DPY19L3: variants seen among roughly 807,000 people sequenced by gnomAD.
The protein encoded by DPY19L3 is dpy-19 like C-mannosyltransferase 3, also known as protein C-mannosyl-transferase DPY19L3.
In DPY19L3, 51 loss-of-function variants were observed where a neutral mutation model predicts 92.3. The ratio of observed to expected loss-of-function variants is 0.55; its 90% CI spans 0.44 to 0.70. The LOEUF (loss-of-function observed/expected upper bound fraction) is 0.70, where lower values mean the gene tolerates loss of function less well. DPY19L3 is among the 30% of genes least tolerant of loss of function. The pLI is 0.00. For synonymous variants in DPY19L3, 309 were observed against 315.2 expected, an observed-to-expected ratio of 0.98 and a Z score of 0.21; for missense variants, 706 against 855.9, an observed-to-expected ratio of 0.82 and a Z score of 2.18.
chr19:32,471,788 A>T (rs1467922475), intron 16 of DPY19L3, among the ~76,000 whole-genome samples: 2 of 152,116 alleles, frequency 1.3e-5, no homozygotes, highest in African/African-American at 4.8e-5. Context: ...GGCTGAAGAG[A>T]TATCCTCAAG....
rs1050251057 is a variant in DPY19L3, at chr19:32,484,615, C to T, written c.*2375C>T. Reference sequence around the variant, plus strand: ...CTCTGCCTGTGTGACTCCCAGGCCCCGGAGTCTCCATCTCTCTCGTAAGCC... The same window carrying T: ...CTCTGCCTGTGTGACTCCCAGGCCCTGGAGTCTCCATCTCTCTCGTAAGCC... On this transcript the variant is annotated 3_prime_UTR_variant, in exon 19 of 19. Transcript: ENST00000392250. The T allele has an allele frequency of 4.6e-5, 7 of 152,190 alleles. No individual in the cohort carries two copies. Among genetic ancestry groups the T allele is most frequent in the Non-Finnish European group, 7.3e-5 (5 of 68,052 alleles). 9.4% of individuals were successfully genotyped at this position (152,190 alleles called of 1,614,324 possible). A position where few individuals can be genotyped will look rare whatever the true frequency, so the allele number is the denominator to read the frequency against.
Position 32,439,253 on chromosome 19 carries a change from T to G in DPY19L3, c.720+18T>G, listed in dbSNP as rs748389260. On this transcript the variant is annotated intron_variant, in intron 7 of 18. Transcript: ENST00000392250. Reference sequence around the variant, plus strand: ...TTTCTGAAGTAAGTGTTTATAAAATTTCATATATTTTAATCCCCCAATTTT... The same window carrying G: ...TTTCTGAAGTAAGTGTTTATAAAATGTCATATATTTTAATCCCCCAATTTT... 3 of 1,603,732 alleles carry G rather than the reference T, an allele frequency of 1.9e-6. No individual in the cohort carries two copies. The Admixed American group carries it at 5.2e-5, about 28-fold the overall frequency.
At chr19:32,480,041 C>G (rs1014639832) in intron 17 of DPY19L3, among the ~76,000 whole-genome samples, 3 of 152,194 alleles carry the variant, frequency 2.0e-5, no homozygotes, top group African/African-American at 4.8e-5. Flanking sequence ...CTGGGGGTCC[C>G]CTTTTTAAAG....
In DPY19L3 at chr19:32,407,264, TC is replaced by T. The variant is rs148363125; in HGVS notation, c.-37-946del. On this transcript the variant is annotated intron_variant, in intron 1 of 18. Transcript: ENST00000392250. ...TGCTGCTGCCAAACCAGGCTCCTGC[TC>T]CCCCCCACCCATTACTCCCACCGAC... Among the ~76,000 whole-genome samples, 531 of 81,314 alleles carry T rather than the reference TC, an allele frequency of 6.5e-3. 30 individuals are homozygous for T. The highest frequency in any genetic ancestry group is 0.026 in the African/African-American group (505 of 19,152). 53.3% of individuals were successfully genotyped at this position (81,314 alleles called of 152,430 possible).
At position 32,482,309 on chromosome 19, in the gene DPY19L3, C is replaced by G. The variant is rs774115184; in HGVS notation, c.*69C>G. The G allele has an allele frequency of 6.5e-7, 1 of 1,544,496 alleles. No individual in the cohort carries two copies. Among genetic ancestry groups the G allele is most frequent in the Non-Finnish European group, 8.8e-7 (1 of 1,141,580 alleles). On this transcript the variant is annotated 3_prime_UTR_variant, in exon 19 of 19. Coordinates refer to ENST00000392250, the MANE Select transcript of DPY19L3 (RefSeq NM_001172774.2). ...CATCATGATGAAACTCAATAGATGA[C>G]GTTTCCTATGTAAGTAGGTAGCCCA...
intron 9 of DPY19L3, among the ~76,000 whole-genome samples, chr19:32,453,612 G>A (rs1018158170): frequency 1.3e-5 from 2 of 152,110 alleles, no homozygotes; most frequent in Non-Finnish European, 2.9e-5. Flanking sequence ...TCAGGAGCGA[G>A]AAGAGTCTCC....
At chr19:32,407,859 A>G (rs776703722) in intron 1 of DPY19L3, among the ~76,000 whole-genome samples, 3 of 152,174 alleles carry the variant, frequency 2.0e-5, no homozygotes, top group Non-Finnish European at 4.4e-5. Context: ...TTGGGAGTCC[A>G]AGGCGGGGAG....
rs1375114211 is a variant in DPY19L3 at position 32,483,970 on chromosome 19, G to T, written c.*1730G>T. ...ACAATATGTTAGACTCTGTGATTTT[G>T]TTTTCAAAATCCTCTGTTATGGCTA... On this transcript the variant is annotated 3_prime_UTR_variant, in exon 19 of 19. Coordinates refer to ENST00000392250, the MANE Select transcript of DPY19L3 (RefSeq NM_001172774.2). 1.3e-5 allele frequency: 2 copies of T among 152,488 alleles called. No individual in the cohort carries two copies. The highest frequency in any genetic ancestry group is 2.9e-5 in the Non-Finnish European group (2 of 67,996). 9.4% of individuals were successfully genotyped at this position (152,488 alleles called of 1,614,324 possible).
At chr19:32,439,048 G>T in intron 6 of DPY19L3, 64 bp from the exon 7 acceptor site, 1 of 1,543,508 alleles carries the variant, frequency 6.5e-7, no homozygotes, top group Non-Finnish European at 8.8e-7. Context: ...TTTCGTTGAG[G>T]AAGTCTTCGA....
chr19:32,482,258 T>A lies in DPY19L3; in HGVS notation c.*18T>A, dbSNP rs1970696612. The A allele has an allele frequency of 6.2e-7, 1 of 1,600,138 alleles. No individual in the cohort carries two copies. The highest frequency in any genetic ancestry group is 1.1e-5 in the South Asian group (1 of 88,370). ...ACAAGTAGCGCAGATTTCTGCCCAGTGTCTATTTTTGATACGGAGAAACTG... is the reference window on the plus strand; with the variant it reads ...ACAAGTAGCGCAGATTTCTGCCCAGAGTCTATTTTTGATACGGAGAAACTG... On this transcript the variant is annotated 3_prime_UTR_variant, in exon 19 of 19. Coordinates refer to ENST00000392250, the MANE Select transcript of DPY19L3 (RefSeq NM_001172774.2).
chr19:32,459,135 A>G (rs951587289), intron 12 of DPY19L3, among the ~76,000 whole-genome samples: 4 of 152,200 alleles, frequency 2.6e-5, no homozygotes, highest in African/African-American at 9.7e-5. Flanking sequence ...TTGAGTAATA[A>G]CTGCCAATTT....
Position 32,482,491 on chromosome 19 carries a change from C to G in DPY19L3, c.*251C>G. The G allele has an allele frequency of 2.5e-6, 1 of 392,742 alleles. No individual in the cohort carries two copies. Among genetic ancestry groups the G allele is most frequent in the Non-Finnish European group, 4.6e-6 (1 of 219,328 alleles). The allele number at this position is 392,742 out of a possible 1,614,324, so 24.3% of individuals were successfully genotyped here. On this transcript the variant is annotated 3_prime_UTR_variant, in exon 19 of 19. Transcript: ENST00000392250. ...AATGTTAACAACTTTCTAAGAGTGA[C>G]CTAGAATTATGTTGTTGGAGAGAAT...
chr19:32,463,671 A>G (rs897014742), intron 13 of DPY19L3, among the ~76,000 whole-genome samples, 183 bp downstream of exon 13: 3 of 152,246 alleles, frequency 2.0e-5, no homozygotes, highest in Non-Finnish European at 4.4e-5. Flanking sequence ...AATTACAAAC[A>G]CGCCTCTATG....
At chr19:32,465,116 T>A (rs1171434209) in intron 15 of DPY19L3, among the ~76,000 whole-genome samples, 1 of 152,246 alleles carries the variant, frequency 6.6e-6, no homozygotes, top group East Asian at 1.9e-4. Flanking sequence ...TATTTTCCCA[T>A]TACCTGATTT....
At chr19:32,434,907 G>A (rs1166993974) in intron 4 of DPY19L3, among the ~76,000 whole-genome samples, 2 of 152,056 alleles carry the variant, frequency 1.3e-5, no homozygotes, top group African/African-American at 4.8e-5. Context: ...CATCATGAGG[G>A]CCCATAACTG....
In DPY19L3 at chr19:32,426,207, C is replaced by T. The variant is rs549400705; in HGVS notation, c.238-6509C>T. On this transcript the variant is annotated intron_variant, in intron 3 of 18. Transcript: ENST00000392250. ...AGCTTTTCTTCTGCAGCTTCCTCAC[C>T]TCTCTAGCCTTCACAGAATTGAAGA... is the stretch of plus-strand genomic sequence containing the variant. Among the ~76,000 whole-genome samples, 4 of 152,320 alleles carry T rather than the reference C, an allele frequency of 2.6e-5. No homozygotes were observed. The South Asian group carries it at 8.3e-4, about 32-fold the overall frequency.
chr19:32,438,583 A>G (rs535029207), intron 6 of DPY19L3, among the ~76,000 whole-genome samples: 7 of 152,338 alleles, frequency 4.6e-5, no homozygotes, highest in Admixed American at 3.9e-4. Flanking sequence ...TATGTGTTAC[A>G]TAAGTGTATC....
rs758211502 is a variant in DPY19L3, at chr19:32,482,246, A to T, written c.*6A>T. The T allele has an allele frequency of 1.9e-6, 3 of 1,606,196 alleles. No homozygotes were observed. In the African/African-American group the frequency reaches 4.0e-5, roughly 22 times the overall value. ...AGCTGTCCAGAAACAAGTAGCGCAG[A>T]TTTCTGCCCAGTGTCTATTTTTGAT... On this transcript the variant is annotated 3_prime_UTR_variant, in exon 19 of 19. Transcript: ENST00000392250.
At chr19:32,410,534 T>C (rs1359400063) in intron 2 of DPY19L3, among the ~76,000 whole-genome samples, 1 of 152,146 alleles carries the variant, frequency 6.6e-6, no homozygotes, top group Non-Finnish European at 1.5e-5. Flanking sequence ...ATCCCAGCAC[T>C]TTAGGATCCC....
Sources: gnomAD v4.1 joint callset for allele counts (sites outside exome capture counted in the v4.1 genomes callset) on GRCh38, gnomAD v4.1.1 for gene constraint, MANE v1.5 for transcripts, NCBI Gene and HGNC (gene_info 2026-07-23, HGNC 2026-07-21) for gene names.